Variants in NUP133 observed in about 807,000 individuals in gnomAD.
NUP133 encodes nuclear pore complex protein Nup133.
Under a neutral mutation model 146.2 loss-of-function variants are expected in NUP133, and 66 were observed. That is an observed-to-expected ratio of 0.45 (90% CI 0.37 to 0.55). The LOEUF is 0.55. NUP133 is among the 20% of genes least tolerant of loss of function. The probability of loss-of-function intolerance (pLI) is 0.00; values close to 1 mark genes in which losing one functional copy is unlikely to be tolerated. For synonymous variants in NUP133, 521 were observed against 498.8 expected (o/e 1.04, Z -0.59); for missense variants, 1,277 against 1,374.8 (o/e 0.93, Z 1.12).
Position 229,486,307 on chromosome 1 carries a change from G to A in NUP133, c.1500+64C>T, listed in dbSNP as rs1436675210. Reference sequence around the variant, plus strand: ...ACTGCACTCTAGCCTGGGTGACAGCGTGAGACACTATCTCTAAAAAATAAA... The same window carrying A: ...ACTGCACTCTAGCCTGGGTGACAGCATGAGACACTATCTCTAAAAAATAAA... On this transcript the variant is annotated intron_variant, in intron 11 of 25. Coordinates refer to ENST00000261396, the MANE Select transcript of NUP133 (RefSeq NM_018230.3). 29 of 1,416,178 alleles carry A rather than the reference G, an allele frequency of 2.0e-5. No individual in the cohort carries two copies. In the Admixed American group the frequency reaches 2.7e-4, roughly 13 times the overall value. The allele number at this position is 1,416,178 out of a possible 1,614,324, so 87.7% of individuals were successfully genotyped here. A position where few individuals can be genotyped will look rare whatever the true frequency, so the allele number is the denominator to read the frequency against.
At chr1:229,462,923 G>T (rs541575694) in intron 19 of NUP133, among the ~76,000 whole-genome samples, 2 of 152,252 alleles carry the variant, frequency 1.3e-5, no homozygotes, top group South Asian at 4.1e-4. Context: ...TATTTGTAAA[G>T]CTAAGCTCTC....
In NUP133 at chr1:229,463,394, GA is replaced by G; in HGVS notation, c.2685+148del. 3.4e-6 allele frequency: 3 copies of G among 890,606 alleles called. 1 individual carries two copies. The South Asian group carries it at 6.3e-5, about 19-fold the overall frequency. The allele number at this position is 890,606 out of a possible 1,614,324, so 55.2% of individuals were successfully genotyped here. ...CTGGACAAAATTTACAAAGAAACGCGACATACAAATTAGTATCTTCTCATCA... is the reference window on the plus strand; with the variant it reads ...CTGGACAAAATTTACAAAGAAACGCGCATACAAATTAGTATCTTCTCATCA... On this transcript the variant is annotated intron_variant, in intron 19 of 25. Transcript: ENST00000261396.
At position 229,458,235 on chromosome 1, in the gene NUP133, G is replaced by A; in HGVS notation, c.2906C>T (p.Thr969Ile). ...METRYFAKKK[T>I]LLGLSKLAAL... ...AGCCAATTTACTCAAGCCAAGAAGG[G>A]TTTTCTTCTTTGCAAAGTAACGAGT... Residue 969 changes from threonine (T) to isoleucine (I), a missense_variant, in exon 21 of 26, where the codon ACC (threonine) becomes ATC (isoleucine). Physicochemically the swap from Thr to Ile is moderately conservative, Grantham distance 89. This residue lies in a region of NUP133 where 952 missense variants were observed against 1,047.0 expected (regional missense o/e 0.91). Transcript: ENST00000261396. 1 of 1,613,286 alleles carries A rather than the reference G, an allele frequency of 6.2e-7. No individual in the cohort carries two copies. Among genetic ancestry groups the A allele is most frequent in the Non-Finnish European group, 8.5e-7 (1 of 1,179,488 alleles).
chr1:229,445,094 C>T (rs1238840911), intron 24 of NUP133, 92 bp from the exon 25 acceptor site: 1 of 915,970 alleles, frequency 1.1e-6, no homozygotes, highest in Non-Finnish European at 1.7e-6. Context: ...ATTTTGATGG[C>T]TGTGGGGGAT....
rs1660179930 is a variant in NUP133 at position 229,441,435 on chromosome 1, C to T, written c.*469G>A. 1 of 532,432 alleles carries T rather than the reference C, an allele frequency of 1.9e-6. No individual in the cohort carries two copies. Among genetic ancestry groups the T allele is most frequent in the African/African-American group, 1.9e-5 (1 of 51,950 alleles). The allele number at this position is 532,432 out of a possible 1,614,324, so 33.0% of individuals were successfully genotyped here. A position where few individuals can be genotyped will look rare whatever the true frequency, so the allele number is the denominator to read the frequency against. On this transcript the variant is annotated 3_prime_UTR_variant, in exon 26 of 26. Transcript: ENST00000261396. ...CTCATAATAAGTCAGCAAAAGTTGA[C>T]ATTTATCTTACTAGACATTTCCCAT...
At chr1:229,455,639 G>A (rs1046726231) in intron 21 of NUP133, among the ~76,000 whole-genome samples, 8 of 152,180 alleles carry the variant, frequency 5.3e-5, no homozygotes, top group South Asian at 2.1e-4. Context: ...CAATGTGCAC[G>A]TTATATCCTC....
At chr1:229,473,674 A>G (rs1661008873) in intron 14 of NUP133, among the ~76,000 whole-genome samples, 1 of 152,190 alleles carries the variant, frequency 6.6e-6, no homozygotes, top group African/African-American at 2.4e-5. Flanking sequence ...CTGTAATCGC[A>G]GCACTTTGGG....
intron 12 of NUP133, among the ~76,000 whole-genome samples, chr1:229,480,607 G>A (rs1327559678): frequency 1.3e-5 from 2 of 152,180 alleles, no homozygotes; most frequent in South Asian, 2.1e-4. Flanking sequence ...TCTACCAATT[G>A]TGACCCCAGG....
Position 229,464,748 on chromosome 1 carries a change from G to A in NUP133, c.2427C>T (p.Ile809=), listed in dbSNP as rs376942600. 43 of 1,614,030 alleles carry A rather than the reference G, an allele frequency of 2.7e-5. No individual in the cohort carries two copies. The highest frequency in any genetic ancestry group is 4.0e-5 in the African/African-American group (3 of 74,916). Residue 809 remains isoleucine (I), a synonymous_variant, in exon 18 of 26, where the codon ATC becomes ATT. Coordinates refer to ENST00000261396, the MANE Select transcript of NUP133 (RefSeq NM_018230.3). The part of the protein sequence containing the change: ...NIVTEQLVAL[I]DCFLDGYVSQ... ...AAACATAACCATCCAGGAAGCAATC[G>A]ATCAGGGCTACCAGCTGCTCGGTCA...
intron 18 of NUP133, among the ~76,000 whole-genome samples, chr1:229,464,310 C>T (rs1396901865): frequency 6.6e-6 from 1 of 152,302 alleles, no homozygotes. Context: ...ACCCCTCAAG[C>T]AGCCCTCACC....
chr1:229,484,540 C>T (rs1661300107), intron 11 of NUP133, among the ~76,000 whole-genome samples: 1 of 152,114 alleles, frequency 6.6e-6, no homozygotes, highest in Admixed American at 6.6e-5. Flanking sequence ...AATGATCAAC[C>T]AAAGTCATAC....
At chr1:229,492,535 T>C (rs113537126) in intron 8 of NUP133, among the ~76,000 whole-genome samples, 10 of 152,136 alleles carry the variant, frequency 6.6e-5, no homozygotes, top group Admixed American at 2.6e-4. Context: ...CAAGGAATCC[T>C]AGCACGGCTC....
chr1:229,483,449 T>C (rs1393835604), intron 12 of NUP133, among the ~76,000 whole-genome samples: 1 of 152,042 alleles, frequency 6.6e-6, no homozygotes, highest in Non-Finnish European at 1.5e-5. Flanking sequence ...CTGGAAGTGG[T>C]GGCTCACGCC....
At position 229,490,026 on chromosome 1, in the gene NUP133, T is replaced by C. The variant is rs764673916; in HGVS notation, c.1123A>G (p.Ile375Val). ...GACATTTGGCAACCATTATCTTCTA[T>C]TGTTATCAGAGAGTAATAGATGAGA... ...PCLIYYSLIT[I>V]EDNGCQMSDA... Residue 375 changes from isoleucine (I) to valine (V), a missense_variant, in exon 9 of 26, where the codon ATA (isoleucine) becomes GTA (valine). This residue lies in a region of NUP133 where 952 missense variants were observed against 1,047.0 expected (regional missense o/e 0.91). Coordinates refer to ENST00000261396, the MANE Select transcript of NUP133 (RefSeq NM_018230.3). 7.8e-5 allele frequency: 126 copies of C among 1,612,254 alleles called. No homozygotes were observed. Among genetic ancestry groups the C allele is most frequent in the Non-Finnish European group, 1.1e-4 (125 of 1,178,846 alleles).
intron 15 of NUP133, among the ~76,000 whole-genome samples, chr1:229,468,888 CAA>C (rs1452446762): frequency 6.6e-6 from 1 of 152,144 alleles, no homozygotes; most frequent in Non-Finnish European, 1.5e-5. Flanking sequence ...CAAAACATAA[CAA>C]AGTGCTTTTC....
intron 13 of NUP133, among the ~76,000 whole-genome samples, chr1:229,476,875 G>C (rs960336488): frequency 2.7e-5 from 4 of 148,598 alleles, no homozygotes; most frequent in Non-Finnish European, 5.9e-5. Context: ...AGTTAGCTGA[G>C]ATCGTGCCAC....
At chr1:229,472,117 A>T (rs1389131866) in intron 14 of NUP133, among the ~76,000 whole-genome samples, 1 of 151,792 alleles carries the variant, frequency 6.6e-6, no homozygotes, top group African/African-American at 2.4e-5. Flanking sequence ...CAGGAGATCG[A>T]GACCATCCTG....
intron 9 of NUP133, 98 bp from the exon 10 acceptor site, chr1:229,487,711 T>A (rs1661396563): frequency 5.4e-6 from 5 of 920,620 alleles, no homozygotes; most frequent in Non-Finnish European, 6.4e-6. Context: ...CATAAAAATA[T>A]TTCACCAATT....
chr1:229,508,334 G>T lies in NUP133; in HGVS notation c.-85C>A. 9.8e-7 allele frequency: 1 copy of T among 1,015,618 alleles called. No individual in the cohort carries two copies. Among genetic ancestry groups the T allele is most frequent in the Non-Finnish European group, 1.3e-6 (1 of 742,480 alleles). 62.9% of individuals were successfully genotyped at this position (1,015,618 alleles called of 1,614,324 possible). A position where few individuals can be genotyped will look rare whatever the true frequency, so the allele number is the denominator to read the frequency against. Reference sequence around the variant, plus strand: ...CTGCGCGCGGAACTTAAACACCTAAGGGAAGAGATGGCGCGCGATGATGAC... The same window carrying T: ...CTGCGCGCGGAACTTAAACACCTAATGGAAGAGATGGCGCGCGATGATGAC... On this transcript the variant is annotated 5_prime_UTR_variant, in exon 1 of 26. Transcript: ENST00000261396.
Sources: allele counts gnomAD v4.1 joint callset (sites outside exome capture counted in the v4.1 genomes callset), GRCh38; gene constraint gnomAD v4.1.1; regional missense constraint gnomAD v4.1.1; transcripts MANE v1.5; gene names NCBI Gene and HGNC (gene_info 2026-07-23, HGNC 2026-07-21).